Variants in SMOX observed in about 807,000 individuals in gnomAD.
SMOX encodes spermine oxidase.
SMOX carries 22 observed loss-of-function variants against 51.0 expected under a neutral mutation model. The observed-to-expected ratio is 0.43, with a 90% CI of 0.31 to 0.62. SMOX has a LOEUF of 0.62. Among genes scored for constraint, SMOX ranks in the 20% least tolerant of loss-of-function variants. The probability of loss-of-function intolerance (pLI) is 0.10; values close to 1 mark genes in which losing one functional copy is unlikely to be tolerated. For synonymous variants in SMOX, 282 were observed against 307.8 expected, an observed-to-expected ratio of 0.92 and a Z score of 0.88; for missense variants, 566 against 777.7, an observed-to-expected ratio of 0.73 and a Z score of 3.24.
Position 4,170,597 on chromosome 20 carries a change from C to T in SMOX, c.-26-4433C>T, listed in dbSNP as rs2122504341. On this transcript the variant is annotated intron_variant, in intron 1 of 6. Transcript: ENST00000305958. The surrounding 1 kb of genome is among the most constrained non-coding windows in gnomAD (Gnocchi z 4.6). ...TCAAAATGAAATTGGGGAGGATGTT[C>T]CAGGGATGGGATGAAGAAGTGGCAG... Among the ~76,000 whole-genome samples, 1 of 152,174 alleles carries T rather than the reference C, an allele frequency of 6.6e-6. No homozygotes were observed. Among genetic ancestry groups the T allele is most frequent in the African/African-American group, 2.4e-5 (1 of 41,510 alleles).
At position 4,183,338 on chromosome 20, in the gene SMOX, C is replaced by T; in HGVS notation, c.1370-156C>T. On this transcript the variant is annotated intron_variant, in intron 5 of 6. Coordinates refer to ENST00000305958, the MANE Select transcript of SMOX (RefSeq NM_175839.3). This position sits in a 1 kb window ranked among gnomAD's most constrained non-coding sequence, Gnocchi z 4.3. ...GTGGGTACACAGCTCGAGCCCCAGC[C>T]TCCCTCCTTCCTCTTCTATCCTCCG... 9.1e-7 allele frequency: 1 copy of T among 1,101,564 alleles called. No homozygotes were observed. Among genetic ancestry groups the T allele is most frequent in the Non-Finnish European group, 1.3e-6 (1 of 743,100 alleles). 68.2% of individuals were successfully genotyped at this position (1,101,564 alleles called of 1,614,324 possible). A position where few individuals can be genotyped will look rare whatever the true frequency, so the allele number is the denominator to read the frequency against.
chr20:4,163,208 A>C (rs1344673442), intron 1 of SMOX, among the ~76,000 whole-genome samples: 1 of 152,164 alleles, frequency 6.6e-6, no homozygotes, highest in Non-Finnish European at 1.5e-5. Flanking sequence ...CCTAAAAAAA[A>C]AAAAAAATAC....
chr20:4,178,574 C>G (rs1197860961), intron 3 of SMOX, among the ~76,000 whole-genome samples: 1 of 152,080 alleles, frequency 6.6e-6, no homozygotes, highest in Non-Finnish European at 1.5e-5. Context: ...AATGTGTAGG[C>G]CCTGTCATCT....
At chr20:4,161,251 T>A (rs13040475) in intron 1 of SMOX, among the ~76,000 whole-genome samples, 1 of 151,958 alleles carries the variant, frequency 6.6e-6, no homozygotes, top group Non-Finnish European at 1.5e-5. Context: ...GGACACTGAC[T>A]CACGTCAGGG....
At position 4,172,796 on chromosome 20, in the gene SMOX, G is replaced by C. The variant is rs888070397; in HGVS notation, c.-26-2234G>C. Among the ~76,000 whole-genome samples the C allele has an allele frequency of 7.2e-6, 1 of 137,986 alleles. No homozygotes were observed. The highest frequency in any genetic ancestry group is 2.6e-5 in the African/African-American group (1 of 38,580). 90.5% of individuals were successfully genotyped at this position (137,986 alleles called of 152,430 possible). On this transcript the variant is annotated intron_variant, in intron 1 of 6. Coordinates refer to ENST00000305958, the MANE Select transcript of SMOX (RefSeq NM_175839.3). This position sits in a 1 kb window ranked among gnomAD's most constrained non-coding sequence, Gnocchi z 7.7. ...CTTGGAGGGATTTTAGGGGCTGGAG[G>C]GTGGGTGGGTGGGAGGGGGGGTGGT... is the stretch of plus-strand genomic sequence containing the variant.
chr20:4,168,626 G>A (rs1481491022), intron 1 of SMOX, among the ~76,000 whole-genome samples: 7 of 150,204 alleles, frequency 4.7e-5, no homozygotes, highest in Middle Eastern at 3.3e-3. Flanking sequence ...GCGCGATCTC[G>A]ACTCACTGCA....
rs1443997914 is a variant in SMOX at position 4,149,817 on chromosome 20, A to G, written c.-27+840A>G. ...TTGCAGAACCTGCTGTTGGTGGCAC[A>G]TCACGTACCAGTCTGTGGGGGCAAC... On this transcript the variant is annotated intron_variant, in intron 1 of 6. Transcript: ENST00000305958. This position sits in a 1 kb window ranked among gnomAD's most constrained non-coding sequence, Gnocchi z 6.0. 6.6e-6 allele frequency among the ~76,000 whole-genome samples: 1 copy of G among 152,170 alleles called. No individual in the cohort carries two copies. Among genetic ancestry groups the G allele is most frequent in the East Asian group, 1.9e-4 (1 of 5,178 alleles).
chr20:4,162,921 G>A (rs145122038), intron 1 of SMOX, among the ~76,000 whole-genome samples: 204 of 152,356 alleles, frequency 1.3e-3, no homozygotes, highest in Middle Eastern at 3.4e-3. Flanking sequence ...GGATGCGGCT[G>A]TGTGTGTCGG....
chr20:4,175,952 C>G (rs950386294), intron 2 of SMOX: 4 of 150,706 alleles, frequency 2.7e-5, no homozygotes, highest in African/African-American at 9.8e-5. Flanking sequence ...TGGGTAGAAA[C>G]CATGAAAATG....
At chr20:4,157,427 G>A (rs1986067307) in intron 1 of SMOX, among the ~76,000 whole-genome samples, 1 of 152,188 alleles carries the variant, frequency 6.6e-6, no homozygotes, top group Non-Finnish European at 1.5e-5. Context: ...AGAAGAAAGA[G>A]GGTGTGGGTA....
intron 1 of SMOX, among the ~76,000 whole-genome samples, chr20:4,155,776 G>A (rs1985994032): frequency 6.6e-6 from 1 of 151,996 alleles, no homozygotes; most frequent in Admixed American, 6.5e-5. Flanking sequence ...GGTGGGTTGA[G>A]TCCCCCCAGT....
chr20:4,152,811 G>A (rs893523548), intron 1 of SMOX, among the ~76,000 whole-genome samples: 1 of 152,222 alleles, frequency 6.6e-6, no homozygotes, highest in Non-Finnish European at 1.5e-5. Flanking sequence ...GGAAGACTGA[G>A]GCACAGTCAT....
chr20:4,181,830 C>T lies in SMOX; in HGVS notation c.463C>T (p.Arg155Trp), dbSNP rs542965046. The change falls in exon 4 of 7, where the codon CGG (arginine) becomes TGG (tryptophan). Residue 155 changes from arginine to tryptophan, a missense_variant. Arg to Trp is a moderately radical substitution (Grantham distance 101, BLOSUM62 -3). Coordinates refer to ENST00000305958, the MANE Select transcript of SMOX (RefSeq NM_175839.3). The surrounding 1 kb of genome is among the most constrained non-coding windows in gnomAD (Gnocchi z 5.6). ...EVYNLTQEFFRHDKPVNAESQ... is the reference protein window; with the variant it reads ...EVYNLTQEFFWHDKPVNAESQ... ...CTATAACTTGACCCAGGAGTTCTTC[C>T]GGCACGATAAACCAGTCAATGCTGA... 6.2e-6 allele frequency: 10 copies of T among 1,613,972 alleles called. No homozygotes were observed. The highest frequency in any genetic ancestry group is 2.2e-5 in the South Asian group (2 of 91,060).
intron 1 of SMOX, among the ~76,000 whole-genome samples, chr20:4,164,172 C>T (rs764569480): frequency 3.3e-5 from 5 of 152,078 alleles, no homozygotes; most frequent in Non-Finnish European, 5.9e-5. Context: ...TAGGGTGGCT[C>T]TCTCTGAGGC....
At chr20:4,176,522 A>G (rs1349140349) in intron 2 of SMOX, among the ~76,000 whole-genome samples, 2 of 152,208 alleles carry the variant, frequency 1.3e-5, no homozygotes, top group African/African-American at 2.4e-5. Context: ...CTGCAAAAAC[A>G]AAACGAAACA....
At position 4,183,354 on chromosome 20, in the gene SMOX, C is replaced by A; in HGVS notation, c.1370-140C>A. On this transcript the variant is annotated intron_variant, in intron 5 of 6. Transcript: ENST00000305958. The surrounding 1 kb of genome is among the most constrained non-coding windows in gnomAD (Gnocchi z 4.3). ...AGCCCCAGCCTCCCTCCTTCCTCTTCTATCCTCCGTGCCTACCCCTGGCAG... is the reference window on the plus strand; with the variant it reads ...AGCCCCAGCCTCCCTCCTTCCTCTTATATCCTCCGTGCCTACCCCTGGCAG... 7.8e-7 allele frequency: 1 copy of A among 1,285,184 alleles called. No individual in the cohort carries two copies. 79.6% of individuals were successfully genotyped at this position (1,285,184 alleles called of 1,614,324 possible).
chr20:4,183,537 C>A lies in SMOX; in HGVS notation c.1413C>A (p.Ala471=). 1.5e-5 allele frequency: 24 copies of A among 1,614,222 alleles called. No individual in the cohort carries two copies. The highest frequency in any genetic ancestry group is 1.9e-5 in the Non-Finnish European group (23 of 1,180,032). The part of the protein sequence containing the change: ...IPKPRRILRS[A]WGSNPYFRGS... The stretch of plus-strand genomic sequence containing the variant: ...AACCTCGGCGAATCTTGCGCTCGGC[C>A]TGGGGCAGCAACCCTTACTTCCGCG... The change falls in exon 6 of 7, where the codon GCC becomes GCA. Residue 471 remains alanine (A), a synonymous_variant. Coordinates refer to ENST00000305958, the MANE Select transcript of SMOX (RefSeq NM_175839.3). The surrounding 1 kb of genome is among the most constrained non-coding windows in gnomAD (Gnocchi z 4.3).
In SMOX at chr20:4,172,505, A is replaced by AG. The variant is rs1978477608; in HGVS notation, c.-26-2523dup. 2.0e-5 allele frequency among the ~76,000 whole-genome samples: 3 copies of AG among 152,176 alleles called. No individual in the cohort carries two copies. The South Asian group carries it at 6.2e-4, about 32-fold the overall frequency. On this transcript the variant is annotated intron_variant, in intron 1 of 6. Coordinates refer to ENST00000305958, the MANE Select transcript of SMOX (RefSeq NM_175839.3). This position sits in a 1 kb window ranked among gnomAD's most constrained non-coding sequence, Gnocchi z 7.7. ...ATCCGTGTCCTCTCGGGAGGGAGGC[A>AG]GGACCTAGCATCTCTGGGGCGAGGG...
intron 1 of SMOX, among the ~76,000 whole-genome samples, chr20:4,169,598 G>T (rs1346844687): frequency 2.0e-5 from 3 of 152,214 alleles, no homozygotes; most frequent in Non-Finnish European, 4.4e-5. Context: ...TGGCTGTGGG[G>T]CTTCAGCCTC....
Sources: gnomAD v4.1 joint callset for allele counts (sites outside exome capture counted in the v4.1 genomes callset) on GRCh38, gnomAD v4.1.1 for gene constraint, Gnocchi (gnomAD v3.1) non-coding constraint, MANE v1.5 for transcripts, NCBI Gene and HGNC (gene_info 2026-07-23, HGNC 2026-07-21) for gene names.